C1orf21: variants seen among roughly 807,000 people sequenced by gnomAD.
C1orf21 encodes the protein uncharacterized protein C1orf21.
A neutral mutation model predicts 18.7 loss-of-function variants in C1orf21; 3 were observed. The observed-to-expected ratio is 0.16, with a 90% confidence interval of 0.07 to 0.42. The LOEUF is 0.42. C1orf21 is among the 10% of genes least tolerant of loss of function. The pLI is 0.99. For synonymous variants in C1orf21, 41 were observed against 46.4 expected (o/e 0.88, Z 0.47); for missense variants, 104 against 143.6 (o/e 0.72, Z 1.41).
At chr1:184,395,421 T>C (rs1656036979) in intron 1 of C1orf21, among the ~76,000 whole-genome samples, 1 of 152,166 alleles carries the variant, frequency 6.6e-6, no homozygotes, top group South Asian at 2.1e-4. Context: ...ATTCCTTTGT[T>C]GGCCAGGGTT....
At chr1:184,604,868 T>C (rs1659629014) in intron 5 of C1orf21, among the ~76,000 whole-genome samples, 1 of 152,148 alleles carries the variant, frequency 6.6e-6, no homozygotes, top group Non-Finnish European at 1.5e-5. Flanking sequence ...GAGGGCTTGA[T>C]TTTCAGAAAA....
In C1orf21 at chr1:184,626,426, AG is replaced by A. The variant is rs1660011379; in HGVS notation, c.*6873del. 6.6e-6 allele frequency: 1 copy of A among 152,526 alleles called. No individual in the cohort carries two copies. Among genetic ancestry groups the A allele is most frequent in the Non-Finnish European group, 1.5e-5 (1 of 68,296 alleles). The allele number at this position is 152,526 out of a possible 1,614,324, so 9.4% of individuals were successfully genotyped here. On this transcript the variant is annotated 3_prime_UTR_variant, in exon 6 of 6. Coordinates refer to ENST00000235307, the MANE Select transcript of C1orf21 (RefSeq NM_030806.4). ...AAAGGAGGGCCAGTGTGGACTGTCC[AG>A]GGCCAGCCTGCAGTACAGAGGCTGG...
chr1:184,422,667 G>A (rs186255461), intron 1 of C1orf21, among the ~76,000 whole-genome samples: 137 of 152,218 alleles, frequency 9.0e-4, no homozygotes, highest in Non-Finnish European at 1.2e-3. Context: ...TTCAGCATGC[G>A]GTAGATAATT....
intron 2 of C1orf21, among the ~76,000 whole-genome samples, chr1:184,496,077 G>A (rs1413552670): frequency 6.6e-6 from 1 of 152,114 alleles, no homozygotes; most frequent in African/African-American, 2.4e-5. Flanking sequence ...AAGATGAGAT[G>A]TTAAAGGAGT....
rs149943463 is a variant in C1orf21 at position 184,608,408 on chromosome 1, A to G, written c.327+9947A>G. Among the ~76,000 whole-genome samples, 1,120 of 152,298 alleles carry G rather than the reference A, an allele frequency of 7.4e-3. 8 individuals are homozygous for G. The highest frequency in any genetic ancestry group is 0.013 in the South Asian group (61 of 4,820). ...TGGAAGAAAACCTTCAGGAAGTGCT[A>G]ACATATGGGCTATGGGCCGTGGGCC... On this transcript the variant is annotated intron_variant, in intron 5 of 5. Coordinates refer to ENST00000235307, the MANE Select transcript of C1orf21 (RefSeq NM_030806.4).
intron 3 of C1orf21, among the ~76,000 whole-genome samples, chr1:184,527,534 A>C (rs1658395298): frequency 6.6e-6 from 1 of 152,190 alleles, no homozygotes; most frequent in Non-Finnish European, 1.5e-5. Flanking sequence ...GCGGGAGCAG[A>C]GGCCAGGGAC....
chr1:184,469,886 C>T (rs1195059973), intron 1 of C1orf21, among the ~76,000 whole-genome samples: 1 of 152,134 alleles, frequency 6.6e-6, no homozygotes, highest in Non-Finnish European at 1.5e-5. Context: ...TGTTTATGAT[C>T]TGTTAGCCCT....
intron 1 of C1orf21, among the ~76,000 whole-genome samples, chr1:184,391,092 C>G (rs969984322): frequency 6.6e-6 from 1 of 152,030 alleles, no homozygotes; most frequent in Non-Finnish European, 1.5e-5. Flanking sequence ...TTGACTGTCT[C>G]GGTTCTGAAG....
At chr1:184,469,396 A>G (rs1205149365) in intron 1 of C1orf21, among the ~76,000 whole-genome samples, 1 of 152,232 alleles carries the variant, frequency 6.6e-6, no homozygotes, top group Non-Finnish European at 1.5e-5. Flanking sequence ...AAGTCATGCT[A>G]GCAGTAAACT....
chr1:184,461,651 A>G (rs1657308750), intron 1 of C1orf21, among the ~76,000 whole-genome samples: 1 of 152,188 alleles, frequency 6.6e-6, no homozygotes, highest in Non-Finnish European at 1.5e-5. Flanking sequence ...AAAATGGTTA[A>G]TCTAGCAAGA....
intron 1 of C1orf21, among the ~76,000 whole-genome samples, chr1:184,415,896 T>C (rs187431442): frequency 1.3e-5 from 2 of 152,338 alleles, no homozygotes; most frequent in East Asian, 1.9e-4. Context: ...GATCCCATCA[T>C]TGCAAAAGAA....
In C1orf21 at chr1:184,624,502, C is replaced by T. The variant is rs1659974969; in HGVS notation, c.*4946C>T. 1 of 152,136 alleles carries T rather than the reference C, an allele frequency of 6.6e-6. No individual in the cohort carries two copies. The highest frequency in any genetic ancestry group is 6.5e-5 in the Admixed American group (1 of 15,280). 9.4% of individuals were successfully genotyped at this position (152,136 alleles called of 1,614,324 possible). ...GTTCCCAAGTCTTGTTGTTTCATCA[C>T]AAACTGTATCTTTTTAAGGTTAAAA... On this transcript the variant is annotated 3_prime_UTR_variant, in exon 6 of 6. Transcript: ENST00000235307.
At chr1:184,488,320 C>T (rs918111648) in intron 2 of C1orf21, among the ~76,000 whole-genome samples, 2 of 152,102 alleles carry the variant, frequency 1.3e-5, no homozygotes, top group African/African-American at 4.8e-5. Flanking sequence ...AGAAATCCCA[C>T]CATAGAGGTT....
At chr1:184,418,488 A>G (rs1022875395) in intron 1 of C1orf21, among the ~76,000 whole-genome samples, 6 of 152,228 alleles carry the variant, frequency 3.9e-5, no homozygotes, top group Non-Finnish European at 7.3e-5. Flanking sequence ...TGCTGTGATT[A>G]CAGGCTTGAA....
chr1:184,504,817 A>G (rs548633995), intron 2 of C1orf21, among the ~76,000 whole-genome samples: 7 of 152,116 alleles, frequency 4.6e-5, no homozygotes, highest in East Asian at 3.9e-4. Context: ...TTTGTATCCA[A>G]TCTTATTGTG....
chr1:184,489,315 T>C (rs1264137973), intron 2 of C1orf21, among the ~76,000 whole-genome samples: 3 of 151,216 alleles, frequency 2.0e-5, no homozygotes, highest in African/African-American at 7.3e-5. Flanking sequence ...AGAGAAAAAA[T>C]ATAAAGGGAC....
chr1:184,541,826 G>A (rs931403335), intron 3 of C1orf21, among the ~76,000 whole-genome samples: 6 of 152,184 alleles, frequency 3.9e-5, no homozygotes, highest in Non-Finnish European at 8.8e-5. Context: ...GGGGGATCAC[G>A]GACTGGCGTG....
At chr1:184,567,364 C>T (rs1659048862) in intron 3 of C1orf21, 2 of 485,300 alleles carry the variant, frequency 4.1e-6, no homozygotes, top group Non-Finnish European at 8.3e-6. Context: ...ATCATCAGTC[C>T]ACCTACCAGC....
At chr1:184,512,595 A>G (rs1658166560) in intron 3 of C1orf21, among the ~76,000 whole-genome samples, 1 of 152,190 alleles carries the variant, frequency 6.6e-6, no homozygotes, top group African/African-American at 2.4e-5. Flanking sequence ...CTTTAATTCC[A>G]TCTTAAGGAT....
Sources: gnomAD v4.1 joint callset for allele counts (sites outside exome capture counted in the v4.1 genomes callset) on GRCh38, gnomAD v4.1.1 for gene constraint, MANE v1.5 for transcripts, NCBI Gene and HGNC (gene_info 2026-07-23, HGNC 2026-07-21) for gene names.